Variants in FAM193A observed in about 807,000 individuals in gnomAD.
FAM193A encodes protein FAM193A.
A neutral mutation model predicts 126.5 loss-of-function variants in FAM193A; 22 were observed. That is an observed-to-expected ratio of 0.17 (90% CI 0.12 to 0.25). The LOEUF (loss-of-function observed/expected upper bound fraction) is 0.25, where lower values mean the gene tolerates loss of function less well. Ranked by LOEUF, FAM193A falls within the 10% of genes least tolerant of loss-of-function variation. The probability of loss-of-function intolerance (pLI) is 1.00; values close to 1 mark genes in which losing one functional copy is unlikely to be tolerated. For missense variants in FAM193A, 1,675 were observed against 1,672.8 expected (o/e 1.00, Z -0.02); for synonymous variants, 761 against 646.8 (o/e 1.18, Z -2.68).
chr4:2,703,831 G>T (rs933530489), intron 19 of FAM193A, among the ~76,000 whole-genome samples: 6 of 151,234 alleles, frequency 4.0e-5, no homozygotes, highest in African/African-American at 1.5e-4. Flanking sequence ...ACTTATCTGG[G>T]CATGGTGGTG....
intron 7 of FAM193A, among the ~76,000 whole-genome samples, chr4:2,649,685 T>A (rs770824740): frequency 1.3e-4 from 19 of 151,918 alleles, no homozygotes; most frequent in Admixed American, 2.6e-4. Flanking sequence ...ATGAAAAAAA[T>A]ATATAGGCAT....
rs150109511 is a variant in FAM193A, at chr4:2,718,699, C to T, written c.4454+2595C>T. On this transcript the variant is annotated intron_variant, in intron 20 of 20. Coordinates refer to ENST00000637812, the MANE Select transcript of FAM193A (RefSeq NM_001366318.2). ...CCAAGATTGTGCATCTACCCTCCAACCTGGGTGACGAGAGCCCTGTCTCAA... is the reference window on the plus strand; with the variant it reads ...CCAAGATTGTGCATCTACCCTCCAATCTGGGTGACGAGAGCCCTGTCTCAA... 4.6e-5 allele frequency among the ~76,000 whole-genome samples: 7 copies of T among 152,070 alleles called. 1 individual carries two copies. In the East Asian group the frequency reaches 1.4e-3, roughly 29 times the overall value.
At chr4:2,716,353 TC>T (rs889102859) in intron 20 of FAM193A, among the ~76,000 whole-genome samples, 47 of 151,896 alleles carry the variant, frequency 3.1e-4, no homozygotes, top group Non-Finnish European at 5.4e-4. Flanking sequence ...GGCAGTGGCT[TC>T]CCCCCCACCC....
intron 18 of FAM193A, among the ~76,000 whole-genome samples, chr4:2,697,701 C>T (rs1313205913): frequency 2.0e-5 from 3 of 152,246 alleles, no homozygotes; most frequent in Non-Finnish European, 4.4e-5. Context: ...TCTGCTCATA[C>T]CTCGCAGTCC....
At chr4:2,624,366 A>C (rs1577089593) in intron 2 of FAM193A, among the ~76,000 whole-genome samples, 1 of 151,246 alleles carries the variant, frequency 6.6e-6, no homozygotes, top group Non-Finnish European at 1.5e-5. Flanking sequence ...CTGGTCTTGA[A>C]CTCCTGACCT....
chr4:2,590,067 G>A (rs1191503376), intron 1 of FAM193A, among the ~76,000 whole-genome samples: 1 of 151,056 alleles, frequency 6.6e-6, no homozygotes, highest in Non-Finnish European at 1.5e-5. Flanking sequence ...TCCAGGAGGC[G>A]GAGGTTGCAA....
intron 13 of FAM193A, among the ~76,000 whole-genome samples, chr4:2,687,149 G>C (rs1448506470): frequency 6.6e-6 from 1 of 152,120 alleles, no homozygotes; most frequent in African/African-American, 2.4e-5. Flanking sequence ...GCAGCCCAGA[G>C]GGGAGTGCTT....
At chr4:2,643,973 C>G (rs1053740801) in intron 6 of FAM193A, among the ~76,000 whole-genome samples, 9 of 152,172 alleles carry the variant, frequency 5.9e-5, no homozygotes, top group Non-Finnish European at 2.9e-5. Flanking sequence ...TTATTTCATT[C>G]TCTTTATCAA....
chr4:2,730,760 G>GT (rs1721287588), intron 20 of FAM193A, among the ~76,000 whole-genome samples: 1 of 151,292 alleles, frequency 6.6e-6, no homozygotes, highest in African/African-American at 2.4e-5. Flanking sequence ...GGGTGTTGTG[G>GT]TATGCACCTG....
chr4:2,691,699 G>GGAGGCTGAGAGGGGAGGGTTGCTT (rs1716399193), intron 15 of FAM193A, among the ~76,000 whole-genome samples: 1 of 151,882 alleles, frequency 6.6e-6, no homozygotes, highest in Non-Finnish European at 1.5e-5. Context: ...CAGCACTTTG[G>GGAGGCTGAGAGGGGAGGGTTGCTT]GAGGCTGAGA....
intron 19 of FAM193A, among the ~76,000 whole-genome samples, chr4:2,709,086 C>G (rs1283520081): frequency 6.6e-6 from 1 of 152,064 alleles, no homozygotes; most frequent in Non-Finnish European, 1.5e-5. Flanking sequence ...GATTCCTCAT[C>G]TCTTGAGTGT....
intron 19 of FAM193A, among the ~76,000 whole-genome samples, chr4:2,710,794 C>T (rs754970691): frequency 1.3e-5 from 2 of 151,786 alleles, no homozygotes; most frequent in South Asian, 2.1e-4. Context: ...CATGAACCAC[C>T]GTGCCCAGCC....
intron 20 of FAM193A, among the ~76,000 whole-genome samples, chr4:2,723,230 C>CG (rs1368611398): frequency 6.6e-6 from 1 of 151,308 alleles, no homozygotes; most frequent in Admixed American, 6.6e-5. Flanking sequence ...GCCAACATCA[C>CG]GCCACTGCAC....
At chr4:2,554,405 A>C (rs1006305357) in intron 1 of FAM193A, among the ~76,000 whole-genome samples, 1 of 152,056 alleles carries the variant, frequency 6.6e-6, no homozygotes, top group African/African-American at 2.4e-5. Context: ...TCTATTACTG[A>C]ATTTTTGTCT....
At position 2,657,828 on chromosome 4, in the gene FAM193A, T is replaced by C. The variant is rs1711898767; in HGVS notation, c.1337T>C (p.Met446Thr). ...ATGACAATGAAAACCAAGCAGCGCA[T>C]GTTAACAGAAGACTGGGAGCTTTTT... ...EQMTMKTKQR[M>T]LTEDWELFKQ... The change falls in exon 8 of 21, where the codon ATG (methionine) becomes ACG (threonine). Residue 446 changes from methionine to threonine, a missense_variant. By Grantham distance (81) the Met-to-Thr change is moderately conservative. Around this residue, in one of 4 missense-constraint regions of FAM193A, gnomAD observed 1,186 missense variants for 1,109.2 expected, o/e 1.07. Coordinates refer to ENST00000637812, the MANE Select transcript of FAM193A (RefSeq NM_001366318.2). 3 of 1,612,774 alleles carry C rather than the reference T, an allele frequency of 1.9e-6. No homozygotes were observed. Among genetic ancestry groups the C allele is most frequent in the Non-Finnish European group, 2.5e-6 (3 of 1,179,552 alleles).
chr4:2,597,340 G>GT (rs1230208578), intron 2 of FAM193A, among the ~76,000 whole-genome samples: 2 of 152,060 alleles, frequency 1.3e-5, no homozygotes, highest in Non-Finnish European at 2.9e-5. Context: ...TCTTTGTGTG[G>GT]TTTTTTTGTT....
intron 10 of FAM193A, among the ~76,000 whole-genome samples, chr4:2,661,421 C>T (rs1403136098): frequency 2.0e-5 from 3 of 152,216 alleles, no homozygotes; most frequent in Non-Finnish European, 4.4e-5. Context: ...AAGCCTCCTG[C>T]TGTCACATGG....
chr4:2,641,285 G>T (rs922788767), intron 6 of FAM193A, among the ~76,000 whole-genome samples: 1 of 151,658 alleles, frequency 6.6e-6, no homozygotes, highest in Non-Finnish European at 1.5e-5. Flanking sequence ...GACGTCAAGT[G>T]ATCCACCTGC....
intron 10 of FAM193A, among the ~76,000 whole-genome samples, chr4:2,661,317 A>G (rs1029356614): frequency 2.0e-5 from 3 of 152,180 alleles, no homozygotes; most frequent in African/African-American, 7.2e-5. Flanking sequence ...GCCTTTTCTA[A>G]GTTGGTTAAA....
Sources: gnomAD v4.1 joint callset for allele counts (sites outside exome capture counted in the v4.1 genomes callset) on GRCh38, gnomAD v4.1.1 for gene constraint, gnomAD v4.1.1 regional missense constraint, MANE v1.5 for transcripts, NCBI Gene and HGNC (gene_info 2026-07-23, HGNC 2026-07-21) for gene names.